The following GMDS variants were observed in gnomAD, a reference collection of about 807,000 sequenced individuals.
GMDS encodes GDP-mannose 4,6-dehydratase.
A neutral mutation model predicts 49.9 loss-of-function variants in GMDS; 20 were observed. The observed-to-expected ratio is 0.40, with a 90% CI of 0.28 to 0.58. The LOEUF is 0.58. GMDS is among the 20% of genes least tolerant of loss of function. GMDS has a pLI of 0.42. For synonymous variants in GMDS, 177 were observed against 178.6 expected, an observed-to-expected ratio of 0.99 and a Z score of 0.07; for missense variants, 362 against 481.4, an observed-to-expected ratio of 0.75 and a Z score of 2.32.
intron 9 of GMDS, among the ~76,000 whole-genome samples, chr6:1,630,598 G>A (rs1214933951): frequency 6.6e-6 from 1 of 152,240 alleles, no homozygotes; most frequent in African/African-American, 2.4e-5. Flanking sequence ...CTTTTGGGGA[G>A]CTGCCTACTC....
intron 7 of GMDS, among the ~76,000 whole-genome samples, chr6:1,754,069 C>T (rs942664644): frequency 9.2e-5 from 14 of 152,040 alleles, no homozygotes; most frequent in African/African-American, 2.9e-4. Flanking sequence ...ACATGAAAAA[C>T]CCTTCAAAAA....
chr6:2,093,346 T>C (rs1196872193), intron 4 of GMDS, among the ~76,000 whole-genome samples: 1 of 152,192 alleles, frequency 6.6e-6, no homozygotes, highest in Admixed American at 6.5e-5. Flanking sequence ...TTTTGCATTA[T>C]GCATTCTGTT....
At chr6:2,112,529 T>C (rs1474299932) in intron 4 of GMDS, among the ~76,000 whole-genome samples, 2 of 152,072 alleles carry the variant, frequency 1.3e-5, no homozygotes, top group Non-Finnish European at 2.9e-5. Context: ...ACCTAAAGAA[T>C]CAAGGATTCT....
At chr6:2,090,190 T>C (rs1581636046) in intron 4 of GMDS, among the ~76,000 whole-genome samples, 1 of 152,288 alleles carries the variant, frequency 6.6e-6, no homozygotes, top group East Asian at 1.9e-4. Context: ...GAAGATTTGA[T>C]CCAAATAATC....
chr6:1,974,519 T>C (rs139732114), intron 4 of GMDS, among the ~76,000 whole-genome samples: 5 of 152,262 alleles, frequency 3.3e-5, no homozygotes, highest in African/African-American at 1.2e-4. Flanking sequence ...TCTCTCTATT[T>C]GCTGTGGAAG....
At chr6:2,055,770 T>G (rs1770743119) in intron 4 of GMDS, among the ~76,000 whole-genome samples, 1 of 152,142 alleles carries the variant, frequency 6.6e-6, no homozygotes, top group Non-Finnish European at 1.5e-5. Flanking sequence ...GGCTGGGGTT[T>G]AGAGTCAAGT....
chr6:2,241,138 G>A (rs985368716), intron 1 of GMDS, among the ~76,000 whole-genome samples: 4 of 152,168 alleles, frequency 2.6e-5, no homozygotes, highest in African/African-American at 4.8e-5. Flanking sequence ...AGACAGGCCC[G>A]GGGCACAGCT....
intron 4 of GMDS, among the ~76,000 whole-genome samples, chr6:1,979,234 G>A (rs1285692316): frequency 6.6e-6 from 1 of 152,174 alleles, no homozygotes; most frequent in Non-Finnish European, 1.5e-5. Flanking sequence ...TCAGAATGTG[G>A]GTAATAATGA....
chr6:1,634,620 C>T (rs991093643), intron 9 of GMDS, among the ~76,000 whole-genome samples: 5 of 152,198 alleles, frequency 3.3e-5, no homozygotes, highest in Admixed American at 2.6e-4. Flanking sequence ...CGGCCCAGCA[C>T]ATCCAATATG....
In GMDS at chr6:2,245,506, A is replaced by G; in HGVS notation, c.-84T>C. On this transcript the variant is annotated 5_prime_UTR_variant, in exon 1 of 11. Coordinates refer to ENST00000380815, the MANE Select transcript of GMDS (RefSeq NM_001500.4). ...TGCCGGCAGGAACGCGGGGGTGTGC[A>G]GCACGAAGCGCCTCTCCAGGCTGCG... 1 of 689,866 alleles carries G rather than the reference A, an allele frequency of 1.4e-6. No homozygotes were observed. The highest frequency in any genetic ancestry group is 2.1e-6 in the Non-Finnish European group (1 of 472,390). 42.7% of individuals were successfully genotyped at this position (689,866 alleles called of 1,614,324 possible).
intron 1 of GMDS, among the ~76,000 whole-genome samples, chr6:2,203,742 C>G (rs556920116): frequency 3.3e-5 from 5 of 152,180 alleles, no homozygotes; most frequent in Non-Finnish European, 7.3e-5. Flanking sequence ...AATAACTCTA[C>G]CAGGTTTTCT....
At chr6:2,056,608 A>C (rs980553486) in intron 4 of GMDS, among the ~76,000 whole-genome samples, 2 of 152,186 alleles carry the variant, frequency 1.3e-5, no homozygotes, top group Non-Finnish European at 2.9e-5. Context: ...CAGGTGCTTA[A>C]AAAAACCGCA....
chr6:1,811,226 T>G (rs1489602865), intron 7 of GMDS, among the ~76,000 whole-genome samples: 1 of 152,234 alleles, frequency 6.6e-6, no homozygotes, highest in African/African-American at 2.4e-5. Flanking sequence ...TCTTTCACCC[T>G]TGTCAAAAAG....
chr6:2,082,765 T>C (rs560650908), intron 4 of GMDS, among the ~76,000 whole-genome samples: 1 of 152,242 alleles, frequency 6.6e-6, no homozygotes, highest in African/African-American at 2.4e-5. Flanking sequence ...TCAACATGTG[T>C]CTGTGCTATA....
At chr6:1,996,799 A>G in intron 4 of GMDS, among the ~76,000 whole-genome samples, 1 of 152,208 alleles carries the variant, frequency 6.6e-6, no homozygotes, top group Non-Finnish European at 1.5e-5. Context: ...TAAAAAATGT[A>G]GTTCTTCATG....
chr6:1,713,492 G>T (rs1035234589), intron 9 of GMDS, among the ~76,000 whole-genome samples: 12 of 152,192 alleles, frequency 7.9e-5, no homozygotes, highest in African/African-American at 2.9e-4. Flanking sequence ...TGAAAGAAGA[G>T]ACAATGTATT....
chr6:2,016,258 C>CAAAAAAA (rs747956143), intron 4 of GMDS, among the ~76,000 whole-genome samples: 1 of 105,560 alleles, frequency 9.5e-6, no homozygotes, highest in African/African-American at 3.5e-5. Context: ...GGCTCGGTCT[C>CAAAAAAA]AAAAAAAAAA....
intron 4 of GMDS, among the ~76,000 whole-genome samples, chr6:2,110,368 T>C (rs556513550): frequency 6.6e-6 from 1 of 152,190 alleles, no homozygotes; most frequent in African/African-American, 2.4e-5. Flanking sequence ...TGACAGTTCT[T>C]TAGCTTAGGT....
intron 4 of GMDS, among the ~76,000 whole-genome samples, chr6:2,082,131 G>A (rs1487287131): frequency 1.3e-5 from 2 of 152,128 alleles, no homozygotes; most frequent in Non-Finnish European, 2.9e-5. Context: ...AAAGTAATGA[G>A]ATAAAAGACA....
Sources: allele counts gnomAD v4.1 joint callset (sites outside exome capture counted in the v4.1 genomes callset), GRCh38; gene constraint gnomAD v4.1.1; transcripts MANE v1.5; gene names NCBI Gene and HGNC (gene_info 2026-07-23, HGNC 2026-07-21).